CNTN5: variants seen among roughly 807,000 people sequenced by gnomAD.
CNTN5 encodes contactin 5.
In CNTN5, 77 loss-of-function variants were observed where a neutral mutation model predicts 129.1. The observed-to-expected ratio is 0.60, with a 90% CI of 0.50 to 0.72. The LOEUF is 0.72. Ranked by LOEUF, CNTN5 falls within the 30% of genes least tolerant of loss-of-function variation. CNTN5 has a pLI of 0.00. For missense variants in CNTN5, 1,478 were observed against 1,328.8 expected (o/e 1.11, Z -1.75); for synonymous variants, 509 against 465.6 (o/e 1.09, Z -1.20).
intron 1 of CNTN5, among the ~76,000 whole-genome samples, chr11:99,263,669 G>C (rs1031939494): frequency 3.3e-5 from 5 of 152,054 alleles, no homozygotes; most frequent in African/African-American, 1.2e-4. Flanking sequence ...CAGATGGGAG[G>C]GCAGTGGTGT....
At chr11:99,177,556 C>A (rs1431358016) in intron 1 of CNTN5, among the ~76,000 whole-genome samples, 1 of 152,140 alleles carries the variant, frequency 6.6e-6, no homozygotes, top group Non-Finnish European at 1.5e-5. Context: ...TGTTCTCACA[C>A]AAAATCTTGG....
chr11:99,450,237 C>T (rs1399194061), intron 2 of CNTN5, among the ~76,000 whole-genome samples: 1 of 146,804 alleles, frequency 6.8e-6, no homozygotes, highest in Non-Finnish European at 1.5e-5. Flanking sequence ...CACTATTTGG[C>T]AAAAAGTATT....
chr11:99,820,718 A>G (rs1011917701), intron 4 of CNTN5, among the ~76,000 whole-genome samples: 3 of 152,216 alleles, frequency 2.0e-5, no homozygotes, highest in Non-Finnish European at 4.4e-5. Context: ...TCTGGGACAG[A>G]TAAGTATTTT....
chr11:99,638,611 C>T (rs1239473710), intron 3 of CNTN5, among the ~76,000 whole-genome samples: 2 of 152,166 alleles, frequency 1.3e-5, no homozygotes, highest in South Asian at 2.1e-4. Flanking sequence ...GTAAATATAA[C>T]CATTCCCAAC....
intron 2 of CNTN5, among the ~76,000 whole-genome samples, chr11:99,339,246 A>C (rs1168463934): frequency 1.3e-5 from 2 of 152,152 alleles, no homozygotes; most frequent in East Asian, 3.8e-4. Flanking sequence ...TATGAAAATA[A>C]AGGTATTAAA....
At position 99,323,053 on chromosome 11, in the gene CNTN5, T is replaced by C. The variant is rs139472510; in HGVS notation, c.-209-2293T>C. ...AAAGAAATGGAGAGAAAAATATAGG[T>C]TGGCAAAGGTCATTCTTTTTCATAA... On this transcript the variant is annotated intron_variant, in intron 1 of 24. Coordinates refer to ENST00000524871, the MANE Select transcript of CNTN5 (RefSeq NM_014361.4). Among the ~76,000 whole-genome samples, 37 of 152,272 alleles carry C rather than the reference T, an allele frequency of 2.4e-4. No homozygotes were observed. The East Asian group carries it at 6.9e-3, about 29-fold the overall frequency.
intron 1 of CNTN5, among the ~76,000 whole-genome samples, chr11:99,102,241 G>C (rs542202330): frequency 1.4e-4 from 21 of 152,010 alleles, no homozygotes; most frequent in African/African-American, 5.1e-4. Flanking sequence ...TTTTCTCATA[G>C]GCCTCTTGGT....
intron 1 of CNTN5, among the ~76,000 whole-genome samples, chr11:99,126,816 T>G (rs1413525159): frequency 6.6e-6 from 1 of 152,204 alleles, no homozygotes; most frequent in Non-Finnish European, 1.5e-5. Flanking sequence ...AGGCTCTGCT[T>G]CTATTCCTCT....
At chr11:99,505,390 G>C (rs996967923) in intron 2 of CNTN5, among the ~76,000 whole-genome samples, 15 of 152,158 alleles carry the variant, frequency 9.9e-5, no homozygotes, top group Non-Finnish European at 1.9e-4. Context: ...TTGCTGAATA[G>C]TATTTGCAGA....
At chr11:99,268,363 C>T (rs954496117) in intron 1 of CNTN5, among the ~76,000 whole-genome samples, 3 of 151,420 alleles carry the variant, frequency 2.0e-5, no homozygotes, top group African/African-American at 7.3e-5. Flanking sequence ...AGGTTAAATT[C>T]AGTTTAATGA....
At chr11:99,575,529 G>T (rs908570458) in intron 3 of CNTN5, among the ~76,000 whole-genome samples, 1 of 152,160 alleles carries the variant, frequency 6.6e-6, no homozygotes, top group African/African-American at 2.4e-5. Flanking sequence ...AAAGGCTGAC[G>T]TGCTTCCTGT....
chr11:99,203,622 C>T (rs1259406157), intron 1 of CNTN5, among the ~76,000 whole-genome samples: 1 of 151,700 alleles, frequency 6.6e-6, no homozygotes, highest in African/African-American at 2.4e-5. Flanking sequence ...CAGAGTATCA[C>T]TCTGTCTCCA....
intron 13 of CNTN5, among the ~76,000 whole-genome samples, chr11:100,158,787 C>T (rs1462508185): frequency 6.6e-6 from 1 of 151,726 alleles, no homozygotes; most frequent in Non-Finnish European, 1.5e-5. Flanking sequence ...CATTATGTTC[C>T]AAGGATATGA....
chr11:100,050,140 A>G (rs1942877806), intron 9 of CNTN5, among the ~76,000 whole-genome samples: 1 of 152,190 alleles, frequency 6.6e-6, no homozygotes, highest in African/African-American at 2.4e-5. Flanking sequence ...TACCCAAAGG[A>G]CTATAAATCA....
In CNTN5 at chr11:100,077,376, G is replaced by A. The variant is rs11600826; in HGVS notation, c.1580+3082G>A. 6.1e-3 allele frequency among the ~76,000 whole-genome samples: 930 copies of A among 152,194 alleles called. 4 individuals carry two copies. Among genetic ancestry groups the A allele is most frequent in the Non-Finnish European group, 0.011 (719 of 68,008 alleles). ...AACCTACAACAATTGAGACAAAAATGTTGAATGAGTTAGTGTTGTCCTTCA... is the reference window on the plus strand; with the variant it reads ...AACCTACAACAATTGAGACAAAAATATTGAATGAGTTAGTGTTGTCCTTCA... On this transcript the variant is annotated intron_variant, in intron 13 of 24. Transcript: ENST00000524871.
chr11:99,623,243 A>G (rs1181540961), intron 3 of CNTN5, among the ~76,000 whole-genome samples: 1 of 152,124 alleles, frequency 6.6e-6, no homozygotes, highest in Non-Finnish European at 1.5e-5. Flanking sequence ...AAAATAATTT[A>G]TGCCACAAAT....
At chr11:100,238,422 A>C (rs1340122888) in intron 16 of CNTN5, among the ~76,000 whole-genome samples, 2 of 149,922 alleles carry the variant, frequency 1.3e-5, no homozygotes, top group Admixed American at 6.6e-5. Context: ...AAAAAAAAAA[A>C]AAAAAAAAGG....
chr11:99,426,610 C>G (rs188019740), intron 2 of CNTN5, among the ~76,000 whole-genome samples: 253 of 152,262 alleles, frequency 1.7e-3, no homozygotes, highest in African/African-American at 5.8e-3. Context: ...AAATGCTGGT[C>G]TTGTATCAGT....
rs890884333 is a variant in CNTN5 at position 99,278,831 on chromosome 11, C to G, written c.-209-46515C>G. 6.6e-5 allele frequency among the ~76,000 whole-genome samples: 10 copies of G among 151,622 alleles called. No individual in the cohort carries two copies. In the South Asian group the frequency reaches 2.1e-3, roughly 31 times the overall value. ...TTAAATATACATTATTCAAATGTAT[C>G]TGAAAAGCACATCCCACAGCACAAA... On this transcript the variant is annotated intron_variant, in intron 1 of 24. Coordinates refer to ENST00000524871, the MANE Select transcript of CNTN5 (RefSeq NM_014361.4).
Sources: allele counts gnomAD v4.1 joint callset (sites outside exome capture counted in the v4.1 genomes callset), GRCh38; gene constraint gnomAD v4.1.1; transcripts MANE v1.5; gene names NCBI Gene and HGNC (gene_info 2026-07-23, HGNC 2026-07-21).